ZNF215: variants seen among roughly 807,000 people sequenced by gnomAD.
The protein encoded by ZNF215 is zinc finger protein 215.
A neutral mutation model predicts 27.2 loss-of-function variants in ZNF215; 24 were observed. The observed-to-expected ratio is 0.88, with a 90% CI of 0.64 to 1.24. The LOEUF (loss-of-function observed/expected upper bound fraction) is 1.24, where lower values mean the gene tolerates loss of function less well. Among genes scored for constraint, ZNF215 ranks in the 50% most tolerant of loss-of-function variants. The probability of loss-of-function intolerance (pLI) is 0.00; values close to 1 mark genes in which losing one functional copy is unlikely to be tolerated. For synonymous variants in ZNF215, 210 were observed against 204.0 expected (o/e 1.03, Z -0.25); for missense variants, 675 against 605.7 (o/e 1.11, Z -1.20).
At chr11:6,971,007 C>T (rs754145375) in intron 5 of ZNF215, among the ~76,000 whole-genome samples, 1 of 151,818 alleles carries the variant, frequency 6.6e-6, no homozygotes, top group Non-Finnish European at 1.5e-5. Context: ...CCAGGTGTTG[C>T]AGATGACAGA....
At chr11:6,931,191 G>C (rs1849246393) in intron 2 of ZNF215, among the ~76,000 whole-genome samples, 1 of 152,214 alleles carries the variant, frequency 6.6e-6, no homozygotes, top group Non-Finnish European at 1.5e-5. Context: ...AAATCAAATA[G>C]AAAGTTGTAT....
intron 5 of ZNF215, among the ~76,000 whole-genome samples, chr11:6,981,951 G>C (rs964985960): frequency 3.9e-5 from 6 of 152,034 alleles, no homozygotes; most frequent in African/African-American, 1.4e-4. Context: ...GGGCTCTGTT[G>C]TGTTCCATTG....
At chr11:6,954,467 G>C (rs561050341) in intron 6 of ZNF215, among the ~76,000 whole-genome samples, 2 of 152,346 alleles carry the variant, frequency 1.3e-5, no homozygotes, top group Non-Finnish European at 2.9e-5. Context: ...CAGCCTCGCT[G>C]CCACCTTGCA....
At chr11:6,961,212 A>AAAAT (rs1850511081), downstream of ZNF215, among the ~76,000 whole-genome samples, 1 of 152,122 alleles carries the variant, frequency 6.6e-6, no homozygotes, top group Non-Finnish European at 1.5e-5. Context: ...TGTAACTCTT[A>AAAAT]AAATAACAGG....
chr11:6,966,707 A>T (rs1850626335), intron 5 of ZNF215, among the ~76,000 whole-genome samples: 1 of 150,898 alleles, frequency 6.6e-6, no homozygotes, highest in African/African-American at 2.4e-5. Context: ...TTCTATTTTT[A>T]ATTTCATTTT....
At chr11:6,938,568 C>G (rs1033064935) in intron 3 of ZNF215, among the ~76,000 whole-genome samples, 3 of 151,158 alleles carry the variant, frequency 2.0e-5, no homozygotes, top group African/African-American at 4.9e-5. Context: ...GAGTATTATT[C>G]TGCCATAAAA....
chr11:6,968,899 T>G (rs1450252612), intron 5 of ZNF215, among the ~76,000 whole-genome samples: 1 of 152,072 alleles, frequency 6.6e-6, no homozygotes, highest in East Asian at 1.9e-4. Flanking sequence ...ATAATTCATG[T>G]CCCTTTTTCC....
At chr11:6,978,118 G>A (rs187471280) in intron 5 of ZNF215, among the ~76,000 whole-genome samples, 151 of 152,142 alleles carry the variant, frequency 9.9e-4, no homozygotes, top group African/African-American at 3.5e-3. Context: ...CCATTGATAT[G>A]AAATGTCGAA....
intron 5 of ZNF215, among the ~76,000 whole-genome samples, chr11:6,973,246 A>G (rs1238574112): frequency 6.6e-6 from 1 of 152,196 alleles, no homozygotes. Flanking sequence ...TTATGGCTGC[A>G]TAGTATTCCA....
chr11:6,966,469 C>A (rs547547682), intron 5 of ZNF215, among the ~76,000 whole-genome samples: 1 of 151,292 alleles, frequency 6.6e-6, no homozygotes, highest in East Asian at 2.0e-4. Flanking sequence ...ATATCCCCCC[C>A]AAACTAAAAT....
chr11:6,982,189 T>A (rs954732406), intron 5 of ZNF215, among the ~76,000 whole-genome samples: 8 of 152,004 alleles, frequency 5.3e-5, no homozygotes, highest in African/African-American at 1.7e-4. Flanking sequence ...AGTCTATAAA[T>A]TACCCGGGGC....
intron 6 of ZNF215, among the ~76,000 whole-genome samples, chr11:6,955,290 T>C (rs1850283749): frequency 6.6e-6 from 1 of 152,184 alleles, no homozygotes; most frequent in Admixed American, 6.5e-5. Context: ...TTACTGGTGT[T>C]TTATAGAAAG....
chr11:6,960,715 G>C (rs187075929), downstream of ZNF215, among the ~76,000 whole-genome samples: 1 of 152,148 alleles, frequency 6.6e-6, no homozygotes, highest in East Asian at 1.9e-4. Context: ...CGTCACTCTG[G>C]CACTGTGGAA....
intron 5 of ZNF215, among the ~76,000 whole-genome samples, chr11:6,963,389 A>G (rs912436998): frequency 6.6e-6 from 1 of 152,038 alleles, no homozygotes; most frequent in African/African-American, 2.4e-5. Context: ...CATGTTATTT[A>G]TTGCTGAGTG....
At chr11:6,994,213 C>G (rs544383420) in intron 6 of ZNF215, among the ~76,000 whole-genome samples, 31 of 134,706 alleles carry the variant, frequency 2.3e-4, no homozygotes, top group Non-Finnish European at 5.1e-4. Flanking sequence ...TATATTAATA[C>G]CATTTAATAC....
In ZNF215 at chr11:6,956,743, G is replaced by A. The variant is rs1818331321; in HGVS notation, c.*212G>A. On this transcript the variant is annotated 3_prime_UTR_variant, in exon 7 of 7. Coordinates refer to ENST00000278319, the MANE Select transcript of ZNF215 (RefSeq NM_013250.4). ...TCCTGGTTTTCAGATGAAGCCATAAGGCTTTGGAGTTAAACCACAGTATCA... is the reference window on the plus strand; with the variant it reads ...TCCTGGTTTTCAGATGAAGCCATAAAGCTTTGGAGTTAAACCACAGTATCA... 7.4e-7 allele frequency: 1 copy of A among 1,352,544 alleles called. No individual in the cohort carries two copies. Among genetic ancestry groups the A allele is most frequent in the African/African-American group, 1.5e-5 (1 of 68,200 alleles). 83.8% of individuals were successfully genotyped at this position (1,352,544 alleles called of 1,614,324 possible). A position where few individuals can be genotyped will look rare whatever the true frequency, so the allele number is the denominator to read the frequency against.
intron 5 of ZNF215, among the ~76,000 whole-genome samples, chr11:6,972,909 T>C (rs77537937): frequency 7.6e-4 from 4 of 5,250 alleles, no homozygotes; most frequent in African/African-American, 9.0e-4. Context: ...AGGATTTTTT[T>C]AATTTTTTTT....
At chr11:6,967,502 C>T (rs1246965586) in intron 5 of ZNF215, among the ~76,000 whole-genome samples, 4 of 152,202 alleles carry the variant, frequency 2.6e-5, no homozygotes, top group Non-Finnish European at 4.4e-5. Context: ...GCCATTCTAA[C>T]TGGTGTGAGA....
chr11:6,965,871 G>T (rs1850608600), intron 5 of ZNF215, among the ~76,000 whole-genome samples: 1 of 151,936 alleles, frequency 6.6e-6, no homozygotes, highest in African/African-American at 2.4e-5. Context: ...TCAGTATACT[G>T]GTCTTTTTCT....
Sources: allele counts gnomAD v4.1 joint callset (sites outside exome capture counted in the v4.1 genomes callset), GRCh38; gene constraint gnomAD v4.1.1; transcripts MANE v1.5; gene names NCBI Gene and HGNC (gene_info 2026-07-23, HGNC 2026-07-21).